The following TANGO6 variants were observed in gnomAD, a reference collection of about 807,000 sequenced individuals.
The protein encoded by TANGO6 is transport and golgi organization 6 homolog.
A neutral mutation model predicts 114.2 loss-of-function variants in TANGO6; 90 were observed. The observed-to-expected ratio is 0.79, with a 90% confidence interval of 0.66 to 0.94. The LOEUF (loss-of-function observed/expected upper bound fraction) is 0.94, where lower values mean the gene tolerates loss of function less well. Ranked by LOEUF, TANGO6 falls within the 40% of genes least tolerant of loss-of-function variation. TANGO6 has a pLI of 0.00. For missense variants in TANGO6, 1,274 were observed against 1,315.3 expected, an observed-to-expected ratio of 0.97 and a Z score of 0.49; for synonymous variants, 477 against 509.8, an observed-to-expected ratio of 0.94 and a Z score of 0.87.
chr16:69,043,401 C>T (rs1488097233), intron 17 of TANGO6, among the ~76,000 whole-genome samples: 1 of 151,586 alleles, frequency 6.6e-6, no homozygotes, highest in African/African-American at 2.4e-5. Context: ...CTGTGCCTAG[C>T]CAATGAAACC....
intron 3 of TANGO6, among the ~76,000 whole-genome samples, chr16:68,865,930 G>A (rs950051503): frequency 1.3e-5 from 2 of 149,970 alleles, no homozygotes; most frequent in Non-Finnish European, 3.0e-5. Flanking sequence ...AAAAAAAAAA[G>A]AAATCCAACT....
At chr16:68,930,391 C>A in intron 14 of TANGO6, 96 bp downstream of exon 14, 1 of 1,013,206 alleles carries the variant, frequency 9.9e-7, no homozygotes, top group Non-Finnish European at 1.5e-6. Context: ...GGCCAGGAGA[C>A]TACTGGTCAT....
intron 14 of TANGO6, among the ~76,000 whole-genome samples, chr16:68,946,161 T>G (rs1482720395): frequency 6.6e-6 from 1 of 152,100 alleles, no homozygotes; most frequent in Non-Finnish European, 1.5e-5. Flanking sequence ...GTTTTTACTT[T>G]CAATGAAGTC....
intron 17 of TANGO6, among the ~76,000 whole-genome samples, chr16:69,070,804 G>A (rs954911152): frequency 2.7e-5 from 4 of 148,648 alleles, no homozygotes; most frequent in Admixed American, 1.3e-4. Flanking sequence ...ACGGAATTTC[G>A]CTCTGGTTGC....
Position 68,843,537 on chromosome 16 carries a change from T to G in TANGO6, c.-81T>G. Reference sequence around the variant, plus strand: ...CCCGCCCCATAGTGTGCCCAGAGCCTTCTGCCACACTTAACATGGCGGCGG... The same window carrying G: ...CCCGCCCCATAGTGTGCCCAGAGCCGTCTGCCACACTTAACATGGCGGCGG... On this transcript the variant is annotated 5_prime_UTR_variant, in exon 1 of 18. Transcript: ENST00000261778. 1 of 1,399,564 alleles carries G rather than the reference T, an allele frequency of 7.1e-7. No individual in the cohort carries two copies. The highest frequency in any genetic ancestry group is 1.0e-6 in the Non-Finnish European group (1 of 1,003,578). 86.7% of individuals were successfully genotyped at this position (1,399,564 alleles called of 1,614,324 possible).
chr16:68,986,031 G>C (rs1287463962), intron 15 of TANGO6, among the ~76,000 whole-genome samples: 1 of 152,228 alleles, frequency 6.6e-6, no homozygotes. Flanking sequence ...ACATGACTCA[G>C]TGTGAACCCT....
intron 4 of TANGO6, chr16:68,867,456 A>G: frequency 2.2e-6 from 1 of 460,482 alleles, no homozygotes; most frequent in Admixed American, 3.8e-5. Context: ...TTATTGAACA[A>G]TATTGTAAGC....
chr16:69,015,626 C>T (rs774831473), intron 15 of TANGO6, among the ~76,000 whole-genome samples: 58 of 151,880 alleles, frequency 3.8e-4, no homozygotes, highest in Admixed American at 2.4e-3. Flanking sequence ...GGACTACAGG[C>T]GCCCGCCACC....
intron 7 of TANGO6, among the ~76,000 whole-genome samples, chr16:68,880,932 C>T (rs892336344): frequency 1.3e-5 from 2 of 151,984 alleles, no homozygotes; most frequent in Non-Finnish European, 1.5e-5. Context: ...TGTAAGCTGA[C>T]GTTTTTTGTC....
chr16:68,883,489 C>A (rs1433805266), intron 7 of TANGO6, among the ~76,000 whole-genome samples: 3 of 152,140 alleles, frequency 2.0e-5, no homozygotes, highest in Non-Finnish European at 4.4e-5. Context: ...CTTTTCATTG[C>A]CAAATGGTAT....
At chr16:69,018,273 A>G (rs1407925768) in intron 15 of TANGO6, among the ~76,000 whole-genome samples, 1 of 148,414 alleles carries the variant, frequency 6.7e-6, no homozygotes, top group East Asian at 2.0e-4. Flanking sequence ...CCACCCGAGT[A>G]GCTGGGACTA....
At chr16:68,884,126 T>C (rs1377901874) in intron 7 of TANGO6, among the ~76,000 whole-genome samples, 1 of 152,146 alleles carries the variant, frequency 6.6e-6, no homozygotes, top group Non-Finnish European at 1.5e-5. Context: ...GCCAAGCTGG[T>C]CTCAAACTCC....
intron 15 of TANGO6, among the ~76,000 whole-genome samples, chr16:69,011,740 ACAGCACC>A (rs1204925453): frequency 6.6e-6 from 1 of 152,214 alleles, no homozygotes; most frequent in Non-Finnish European, 1.5e-5. Flanking sequence ...TTCAGATTTG[ACAGCACC>A]CCTCTGCTAT....
chr16:68,862,377 A>G (rs1198801327), intron 2 of TANGO6, among the ~76,000 whole-genome samples: 3 of 151,856 alleles, frequency 2.0e-5, no homozygotes, highest in African/African-American at 7.3e-5. Flanking sequence ...TTGTATTTTT[A>G]GTAGAGGCAG....
chr16:69,005,488 T>C (rs1964084068), intron 15 of TANGO6, among the ~76,000 whole-genome samples: 1 of 151,792 alleles, frequency 6.6e-6, no homozygotes, highest in African/African-American at 2.4e-5. Flanking sequence ...GAATCCAAAA[T>C]CGAAATTTAA....
intron 9 of TANGO6, among the ~76,000 whole-genome samples, chr16:68,906,265 T>C (rs541688398): frequency 6.6e-6 from 1 of 152,332 alleles, no homozygotes; most frequent in South Asian, 2.1e-4. Context: ...TTGGTAATCA[T>C]GTTCAACCTA....
intron 16 of TANGO6, among the ~76,000 whole-genome samples, chr16:69,023,790 G>A (rs1346086645): frequency 6.6e-6 from 1 of 152,182 alleles, no homozygotes; most frequent in Non-Finnish European, 1.5e-5. Flanking sequence ...CATACCCAGT[G>A]CCTGGTATGT....
At chr16:68,847,236 C>A (rs74531034) in intron 1 of TANGO6, among the ~76,000 whole-genome samples, 5,499 of 152,180 alleles carry the variant, frequency 0.036, 130 homozygotes, top group East Asian at 0.072. Context: ...AATCAGAACT[C>A]ATATCAATAA....
At chr16:68,895,994 G>T (rs1962698853) in intron 7 of TANGO6, among the ~76,000 whole-genome samples, 1 of 150,410 alleles carries the variant, frequency 6.6e-6, no homozygotes, top group African/African-American at 2.5e-5. Context: ...TGTCACCCAG[G>T]CTGGAGTGTC....
Sources: gnomAD v4.1 joint callset for allele counts (sites outside exome capture counted in the v4.1 genomes callset) on GRCh38, gnomAD v4.1.1 for gene constraint, MANE v1.5 for transcripts, NCBI Gene and HGNC (gene_info 2026-07-23, HGNC 2026-07-21) for gene names.